Variants in DCLK2 observed in about 807,000 individuals in gnomAD.
The protein encoded by DCLK2 is doublecortin like kinase 2, also known as serine/threonine-protein kinase DCLK2.
DCLK2 carries 31 observed loss-of-function variants against 78.4 expected under a neutral mutation model. The ratio of observed to expected loss-of-function variants is 0.40; its 90% confidence interval spans 0.30 to 0.53. The LOEUF is 0.53. Ranked by LOEUF, DCLK2 falls within the 20% of genes least tolerant of loss-of-function variation. The probability of loss-of-function intolerance (pLI) is 0.61; values close to 1 mark genes in which losing one functional copy is unlikely to be tolerated. For synonymous variants in DCLK2, 407 were observed against 374.9 expected (o/e 1.09, Z -0.99); for missense variants, 872 against 973.7 (o/e 0.90, Z 1.39).
At chr4:150,191,458 A>G (rs191394835) in intron 2 of DCLK2, among the ~76,000 whole-genome samples, 257 of 152,250 alleles carry the variant, frequency 1.7e-3, no homozygotes, top group Non-Finnish European at 2.3e-3. Context: ...GAATAGAAGT[A>G]GAGACGCTTG....
At chr4:150,106,072 G>T (rs1446928441) in intron 2 of DCLK2, among the ~76,000 whole-genome samples, 1 of 151,940 alleles carries the variant, frequency 6.6e-6, no homozygotes, top group South Asian at 2.1e-4. Flanking sequence ...GCCAAAAAAA[G>T]ATCTTTTAAG....
chr4:150,172,662 A>C (rs569516696), intron 2 of DCLK2, among the ~76,000 whole-genome samples: 79 of 144,306 alleles, frequency 5.5e-4, no homozygotes, highest in Non-Finnish European at 9.8e-4. Flanking sequence ...ACAAACCCCT[A>C]GTTTTATGAG....
At chr4:150,236,272 A>T (rs1223666349) in intron 10 of DCLK2, among the ~76,000 whole-genome samples, 1 of 152,186 alleles carries the variant, frequency 6.6e-6, no homozygotes, top group African/African-American at 2.4e-5. Flanking sequence ...ATCTGTAAGT[A>T]AGTGCAGGCT....
chr4:150,223,743 C>CAGTA (rs1553971665), intron 7 of DCLK2, among the ~76,000 whole-genome samples: 1 of 146,856 alleles, frequency 6.8e-6, no homozygotes, highest in Non-Finnish European at 1.5e-5. Flanking sequence ...GACTCTCTCT[C>CAGTA]AATAAATAAA....
intron 2 of DCLK2, among the ~76,000 whole-genome samples, chr4:150,108,791 C>T (rs572560609): frequency 6.6e-6 from 1 of 152,088 alleles, no homozygotes; most frequent in Non-Finnish European, 1.5e-5. Flanking sequence ...CCAGAAACAG[C>T]AGAGTTTCAA....
rs1192308457 is a variant in DCLK2 at position 150,248,435 on chromosome 4, A to G, written c.1956+50A>G. ...TGGGCCTCACTGTGCTCTGTGGCCA[A>G]CAGCACGGTTCCTCACTGTGATGTT... On this transcript the variant is annotated intron_variant, in intron 14 of 15. Transcript: ENST00000296550. The G allele has an allele frequency of 2.7e-6, 4 of 1,464,042 alleles. No individual in the cohort carries two copies. The South Asian group carries it at 3.4e-5, about 13-fold the overall frequency. 90.7% of individuals were successfully genotyped at this position (1,464,042 alleles called of 1,614,324 possible).
chr4:150,236,649 T>A lies in DCLK2; in HGVS notation c.1567-3093T>A, dbSNP rs1742530550. On this transcript the variant is annotated intron_variant, in intron 10 of 15. Coordinates refer to ENST00000296550, the MANE Select transcript of DCLK2 (RefSeq NM_001040260.4). Reference sequence around the variant, plus strand: ...TGTTTTTAAAGCAATGATGTGTGTGTCTCTGTATCTATCTAGAGAGAGATA... The same window carrying A: ...TGTTTTTAAAGCAATGATGTGTGTGACTCTGTATCTATCTAGAGAGAGATA... Among the ~76,000 whole-genome samples the A allele has an allele frequency of 2.6e-5, 4 of 152,224 alleles. No individual in the cohort carries two copies. In the South Asian group the frequency reaches 8.3e-4, roughly 32 times the overall value.
chr4:150,189,280 C>G (rs13125688), intron 2 of DCLK2, among the ~76,000 whole-genome samples: 93,695 of 151,878 alleles, frequency 0.62, 30,814 homozygotes, highest in South Asian at 0.79. Context: ...ATTTAAGAAC[C>G]ATTTATTGAA....
At chr4:150,080,350 T>G (rs181381496) in intron 1 of DCLK2, among the ~76,000 whole-genome samples, 1 of 152,260 alleles carries the variant, frequency 6.6e-6, no homozygotes, top group Admixed American at 6.5e-5. Context: ...GGCTGGATGT[T>G]GGGTCATCCT....
intron 2 of DCLK2, among the ~76,000 whole-genome samples, chr4:150,161,566 T>G (rs1239656327): frequency 3.3e-5 from 5 of 152,186 alleles, no homozygotes; most frequent in African/African-American, 4.8e-5. Flanking sequence ...TTCAATACAG[T>G]AACTCACAGA....
chr4:150,092,300 T>C (rs1730138174), intron 1 of DCLK2, among the ~76,000 whole-genome samples: 1 of 152,220 alleles, frequency 6.6e-6, no homozygotes. Flanking sequence ...GGGATGCTTA[T>C]ATCAATTCTT....
intron 3 of DCLK2, among the ~76,000 whole-genome samples, chr4:150,197,585 C>G (rs1739145102): frequency 6.6e-6 from 1 of 152,024 alleles, no homozygotes; most frequent in Non-Finnish European, 1.5e-5. Context: ...GAAACCCCGT[C>G]TCTACTAATA....
At chr4:150,150,099 G>A (rs1734785011) in intron 2 of DCLK2, among the ~76,000 whole-genome samples, 2 of 152,092 alleles carry the variant, frequency 1.3e-5, no homozygotes. Flanking sequence ...TTAATGGGAA[G>A]TTTAACTAAA....
chr4:150,145,899 AAG>A (rs137920287), intron 2 of DCLK2, among the ~76,000 whole-genome samples: 3,192 of 152,356 alleles, frequency 0.021, 44 homozygotes, highest in Non-Finnish European at 0.035. Flanking sequence ...TTTTTATAAA[AAG>A]AGAATATTCT....
At chr4:150,101,977 G>A (rs1388353371) in intron 1 of DCLK2, among the ~76,000 whole-genome samples, 1 of 152,158 alleles carries the variant, frequency 6.6e-6, no homozygotes, top group East Asian at 1.9e-4. Flanking sequence ...AATTGAGTCA[G>A]CTATGTGAAG....
intron 5 of DCLK2, among the ~76,000 whole-genome samples, chr4:150,213,771 C>T (rs1458648777): frequency 6.6e-6 from 1 of 152,090 alleles, no homozygotes; most frequent in African/African-American, 2.4e-5. Flanking sequence ...TCTAGATATA[C>T]CATAGTGTAT....
intron 5 of DCLK2, among the ~76,000 whole-genome samples, chr4:150,213,723 C>G (rs967797198): frequency 6.6e-6 from 1 of 152,114 alleles, no homozygotes; most frequent in Admixed American, 6.5e-5. Context: ...GACTGAATTA[C>G]AGGAATGTTA....
At chr4:150,137,376 A>T (rs1440812840) in intron 2 of DCLK2, among the ~76,000 whole-genome samples, 6 of 152,176 alleles carry the variant, frequency 3.9e-5, no homozygotes, top group Non-Finnish European at 5.9e-5. Context: ...CCAGGCTCAA[A>T]ACTGGCACAT....
intron 2 of DCLK2, among the ~76,000 whole-genome samples, chr4:150,116,658 G>A (rs1189147695): frequency 6.6e-6 from 1 of 152,232 alleles, no homozygotes; most frequent in Non-Finnish European, 1.5e-5. Flanking sequence ...AGAGGTGGCA[G>A]GGGAGTGACA....
Sources: allele counts gnomAD v4.1 joint callset (sites outside exome capture counted in the v4.1 genomes callset), GRCh38; gene constraint gnomAD v4.1.1; transcripts MANE v1.5; gene names NCBI Gene and HGNC (gene_info 2026-07-23, HGNC 2026-07-21).